ACBD6: variants seen among roughly 807,000 people sequenced by gnomAD.
ACBD6 encodes the protein acyl-CoA binding domain containing 6, also known as acyl-CoA-binding domain-containing protein 6.
A neutral mutation model predicts 37.2 loss-of-function variants in ACBD6; 28 were observed. That is an observed-to-expected ratio of 0.75 (90% confidence interval 0.56 to 1.03). The LOEUF (loss-of-function observed/expected upper bound fraction) is 1.03, where lower values mean the gene tolerates loss of function less well. Ranked by LOEUF, ACBD6 falls within the 50% of genes least tolerant of loss-of-function variation. The pLI, the probability that ACBD6 is intolerant of heterozygous loss-of-function variation, is 0.00. For synonymous variants in ACBD6, 113 were observed against 126.8 expected (o/e 0.89, Z 0.73); for missense variants, 340 against 337.4 (o/e 1.01, Z -0.06).
At chr1:180,355,519 CATT>C (rs1652588569) in intron 6 of ACBD6, among the ~76,000 whole-genome samples, 1 of 152,156 alleles carries the variant, frequency 6.6e-6, no homozygotes, top group Non-Finnish European at 1.5e-5. Flanking sequence ...AACCAGAGCT[CATT>C]ATTTTTTTGC....
At chr1:180,314,665 T>C (rs1440242272) in intron 7 of ACBD6, 27 bp downstream of exon 7, 2 of 1,496,888 alleles carry the variant, frequency 1.3e-6, no homozygotes, top group Non-Finnish European at 1.9e-6. Context: ...TCAAATATGA[T>C]TACTTAATAA....
intron 7 of ACBD6, among the ~76,000 whole-genome samples, chr1:180,292,095 C>T (rs1051511041): frequency 3.9e-5 from 6 of 152,102 alleles, no homozygotes; most frequent in Non-Finnish European, 8.8e-5. Flanking sequence ...TATAGTAAGT[C>T]CTGAAACCAG....
At chr1:180,437,525 A>C (rs1318628241) in intron 3 of ACBD6, among the ~76,000 whole-genome samples, 1 of 152,196 alleles carries the variant, frequency 6.6e-6, no homozygotes, top group East Asian at 1.9e-4. Flanking sequence ...ACACAGTTTG[A>C]AAGTTTTTCC....
intron 6 of ACBD6, among the ~76,000 whole-genome samples, chr1:180,328,741 T>C (rs1000009716): frequency 6.6e-6 from 1 of 152,138 alleles, no homozygotes; most frequent in Non-Finnish European, 1.5e-5. Context: ...ATAGTATTTC[T>C]AAGCCTGGAA....
rs61101474 is a variant in ACBD6, at chr1:180,433,574, CTGTGTGTGTGTGTGTGTG to C, written c.385-3330_385-3313del. On this transcript the variant is annotated intron_variant, in intron 3 of 7. Transcript: ENST00000367595. Reference sequence around the variant, plus strand: ...AATAAAAGGCATTTGTGGTGTTATGCTGTGTGTGTGTGTGTGTGTGTGTGTGTGTGTGTGTGTGTGTGT... The same window carrying C: ...AATAAAAGGCATTTGTGGTGTTATGCTGTGTGTGTGTGTGTGTGTGTGTGT... Among the ~76,000 whole-genome samples the C allele has an allele frequency of 8.4e-3, 1,255 of 149,782 alleles. 10 individuals are homozygous for C. Among genetic ancestry groups the C allele is most frequent in the African/African-American group, 0.025 (1,023 of 40,616 alleles).
intron 3 of ACBD6, among the ~76,000 whole-genome samples, chr1:180,462,645 C>A (rs1325799376): frequency 6.6e-6 from 1 of 152,224 alleles, no homozygotes; most frequent in South Asian, 2.1e-4. Flanking sequence ...GACTTTAACA[C>A]CCCACTGACA....
chr1:180,285,162 G>A (rs928667046), downstream of ACBD6, among the ~76,000 whole-genome samples: 3 of 151,988 alleles, frequency 2.0e-5, no homozygotes, highest in African/African-American at 4.8e-5. Context: ...CCCAAAAAAC[G>A]GCGTAACTGC....
At chr1:180,280,329 T>C (rs148966483) in intron 9 of ACBD6, among the ~76,000 whole-genome samples, 14 of 150,970 alleles carry the variant, frequency 9.3e-5, no homozygotes, top group African/African-American at 3.4e-4. Flanking sequence ...TCCCCCTTTG[T>C]TTTTTCTCCT....
At chr1:180,272,645 G>A (rs1435851600) in exon 13 of ACBD6, 1 of 152,378 alleles carries the variant, frequency 6.6e-6, no homozygotes, top group Non-Finnish European at 1.5e-5. Flanking sequence ...TGTTTGCAAA[G>A]AATCATAACT....
chr1:180,398,069 A>T (rs1654330762), intron 5 of ACBD6, among the ~76,000 whole-genome samples: 1 of 151,492 alleles, frequency 6.6e-6, no homozygotes, highest in Non-Finnish European at 1.5e-5. Flanking sequence ...TACAACAACA[A>T]CAACAACAAC....
At chr1:180,366,501 T>C (rs146730848) in intron 6 of ACBD6, among the ~76,000 whole-genome samples, 20 of 152,294 alleles carry the variant, frequency 1.3e-4, no homozygotes, top group African/African-American at 4.6e-4. Context: ...CAATTTACTA[T>C]AGCAGGTCAT....
intron 6 of ACBD6, among the ~76,000 whole-genome samples, chr1:180,347,955 A>G (rs1652254066): frequency 6.6e-6 from 1 of 151,950 alleles, no homozygotes; most frequent in South Asian, 2.1e-4. Context: ...CCCGTCTCAA[A>G]AAAAAAAAAG....
chr1:180,428,792 A>G (rs1648700069), intron 4 of ACBD6, among the ~76,000 whole-genome samples: 1 of 152,218 alleles, frequency 6.6e-6, no homozygotes, highest in Non-Finnish European at 1.5e-5. Flanking sequence ...TAATTTTTTT[A>G]AAAGGAAAGT....
chr1:180,435,848 C>G, intron 3 of ACBD6: 1 of 1,215,866 alleles, frequency 8.2e-7, no homozygotes, highest in Non-Finnish European at 1.2e-6. Flanking sequence ...GACCCTAAAA[C>G]CAGGTATCAA....
At chr1:180,381,314 C>T (rs1415673841) in intron 6 of ACBD6, among the ~76,000 whole-genome samples, 2 of 152,134 alleles carry the variant, frequency 1.3e-5, no homozygotes, top group African/African-American at 2.4e-5. Flanking sequence ...ATCATCTAGA[C>T]AGAAAGTCAA....
At chr1:180,480,253 A>T (rs1247778565) in intron 3 of ACBD6, among the ~76,000 whole-genome samples, 2 of 141,218 alleles carry the variant, frequency 1.4e-5, no homozygotes, top group Non-Finnish European at 3.2e-5. Context: ...ACCACACTCA[A>T]AACAAGGAGA....
chr1:180,366,275 A>G (rs1187028928), intron 6 of ACBD6, among the ~76,000 whole-genome samples: 9 of 152,182 alleles, frequency 5.9e-5, no homozygotes, highest in Non-Finnish European at 1.3e-4. Flanking sequence ...AATTAATTCA[A>G]TTCTGAGGGT....
At chr1:180,274,385 C>G in intron 10 of ACBD6, 1 of 1,614,212 alleles carries the variant, frequency 6.2e-7, no homozygotes, top group Non-Finnish European at 8.5e-7. Context: ...CGCTCCTTTG[C>G]TCAATGGGCT....
chr1:180,358,449 A>ACAAC (rs199741531), intron 6 of ACBD6, among the ~76,000 whole-genome samples: 3 of 3,122 alleles, frequency 9.6e-4, no homozygotes, highest in African/African-American at 1.5e-3. Context: ...AACAACAACA[A>ACAAC]AAAAAAAAAA....
Sources: allele counts gnomAD v4.1 joint callset (sites outside exome capture counted in the v4.1 genomes callset), GRCh38; gene constraint gnomAD v4.1.1; transcripts MANE v1.5; gene names NCBI Gene and HGNC (gene_info 2026-07-23, HGNC 2026-07-21).